The following GLRA1 variants were observed in gnomAD, a reference collection of about 807,000 sequenced individuals.
GLRA1 encodes the protein glycine receptor subunit alpha-1.
Under a neutral mutation model 48.3 loss-of-function variants are expected in GLRA1, and 37 were observed. The ratio of observed to expected loss-of-function variants is 0.77; its 90% confidence interval spans 0.59 to 1.01. The LOEUF (loss-of-function observed/expected upper bound fraction) is 1.01. Ranked by LOEUF, GLRA1 falls within the 50% of genes least tolerant of loss-of-function variation. The pLI, the probability that GLRA1 is intolerant of heterozygous loss-of-function variation, is 0.00. For synonymous variants in GLRA1, 196 were observed against 210.7 expected, an observed-to-expected ratio of 0.93 and a Z score of 0.60; for missense variants, 427 against 571.0, an observed-to-expected ratio of 0.75 and a Z score of 2.57.
At chr5:151,884,266 C>A (rs936848037) in intron 3 of GLRA1, among the ~76,000 whole-genome samples, 13 of 151,808 alleles carry the variant, frequency 8.6e-5, no homozygotes, top group Non-Finnish European at 1.6e-4. Context: ...CCATCTCTAT[C>A]AAAAATACAA....
intron 2 of GLRA1, 107 bp downstream of exon 2, chr5:151,892,204 A>G (rs185049371): frequency 9.7e-7 from 1 of 1,033,538 alleles, no homozygotes; most frequent in East Asian, 2.4e-5. Context: ...GGAAAGAGTC[A>G]TGGGATTCAC....
At chr5:151,826,568 GTC>G (rs1763276363) in intron 8 of GLRA1, among the ~76,000 whole-genome samples, 1 of 152,132 alleles carries the variant, frequency 6.6e-6, no homozygotes, top group South Asian at 2.1e-4. Context: ...GCTATTGTGG[GTC>G]TCTCTCATCA....
intron 1 of GLRA1, among the ~76,000 whole-genome samples, chr5:151,894,953 A>G (rs1464258659): frequency 6.6e-6 from 1 of 152,200 alleles, no homozygotes; most frequent in Non-Finnish European, 1.5e-5. Flanking sequence ...ATCCTGGGGA[A>G]CTAATTTTGA....
At chr5:151,908,635 C>T (rs1754533559) in intron 1 of GLRA1, among the ~76,000 whole-genome samples, 1 of 152,120 alleles carries the variant, frequency 6.6e-6, no homozygotes, top group African/African-American at 2.4e-5. Flanking sequence ...TGCTTATCTC[C>T]ACATTTCTCT....
At chr5:151,901,143 G>A (rs745403683) in intron 1 of GLRA1, among the ~76,000 whole-genome samples, 2 of 152,312 alleles carry the variant, frequency 1.3e-5, no homozygotes, top group Non-Finnish European at 2.9e-5. Flanking sequence ...GTATTCACAC[G>A]AAATGTCTTG....
intron 1 of GLRA1, among the ~76,000 whole-genome samples, chr5:151,913,776 C>T (rs1754674346): frequency 1.3e-5 from 2 of 152,004 alleles, no homozygotes; most frequent in Non-Finnish European, 2.9e-5. Context: ...CTGGGTGATC[C>T]TAGGAAAATG....
At chr5:151,858,551 C>A (rs950505243) in intron 4 of GLRA1, among the ~76,000 whole-genome samples, 1 of 152,196 alleles carries the variant, frequency 6.6e-6, no homozygotes, top group African/African-American at 2.4e-5. Flanking sequence ...TGTCACTCTT[C>A]CAGTCTGGAT....
At chr5:151,921,855 T>A (rs1464474265) in intron 1 of GLRA1, among the ~76,000 whole-genome samples, 1 of 152,208 alleles carries the variant, frequency 6.6e-6, no homozygotes, top group Non-Finnish European at 1.5e-5. Context: ...TCAGGAACTT[T>A]AGCCAAATCA....
chr5:151,912,772 G>A (rs1314732618), intron 1 of GLRA1, among the ~76,000 whole-genome samples: 2 of 152,224 alleles, frequency 1.3e-5, no homozygotes, highest in Non-Finnish European at 2.9e-5. Flanking sequence ...CATTATCTAT[G>A]AGGGGGTAGT....
At chr5:151,886,588 G>T in intron 3 of GLRA1, 133 bp downstream of exon 3, 1 of 727,510 alleles carries the variant, frequency 1.4e-6, no homozygotes, top group East Asian at 2.6e-5. Context: ...CGAGCCTCAT[G>T]GTATACCACT....
chr5:151,867,218 AG>A (rs1418082613), intron 3 of GLRA1, among the ~76,000 whole-genome samples: 1 of 152,218 alleles, frequency 6.6e-6, no homozygotes, highest in African/African-American at 2.4e-5. Flanking sequence ...TTTCAGGAGA[AG>A]GTAGCATTTG....
At position 151,867,886 on chromosome 5, in the gene GLRA1, T is replaced by C. The variant is rs551464150; in HGVS notation, c.253-7878A>G. ...TTATTTGCTAGCCAATTTAGCACCA[T>C]TGAAGACTTAAGCAGTGGGGTAATG... On this transcript the variant is annotated intron_variant, in intron 3 of 8. Coordinates refer to ENST00000274576, the MANE Select transcript of GLRA1 (RefSeq NM_000171.4). 5.9e-5 allele frequency among the ~76,000 whole-genome samples: 9 copies of C among 152,332 alleles called. No homozygotes were observed. The South Asian group carries it at 1.2e-3, about 21-fold the overall frequency.
At chr5:151,823,113 G>C in intron 8 of GLRA1, 150 bp from the exon 9 acceptor site, 1 of 695,860 alleles carries the variant, frequency 1.4e-6, no homozygotes, top group Non-Finnish European at 2.3e-6. Context: ...AGGCTTTTTG[G>C]CTGGCTGGGG....
At chr5:151,862,183 G>C (rs1199020565) in intron 3 of GLRA1, among the ~76,000 whole-genome samples, 2 of 152,244 alleles carry the variant, frequency 1.3e-5, no homozygotes, top group African/African-American at 4.8e-5. Flanking sequence ...AATGGGGAAA[G>C]GATTCCCTAT....
At chr5:151,923,086 A>G (rs955768245) in intron 1 of GLRA1, among the ~76,000 whole-genome samples, 1 of 152,116 alleles carries the variant, frequency 6.6e-6, no homozygotes, top group East Asian at 1.9e-4. Flanking sequence ...TTTTCATTCT[A>G]TCTGACTCTC....
chr5:151,898,864 A>C (rs1052535600), intron 1 of GLRA1, among the ~76,000 whole-genome samples: 4 of 152,222 alleles, frequency 2.6e-5, no homozygotes, highest in African/African-American at 9.6e-5. Context: ...AGAAGTCTCC[A>C]AGAGGCTTTG....
intron 1 of GLRA1, among the ~76,000 whole-genome samples, chr5:151,906,949 A>C (rs1256905443): frequency 6.6e-6 from 1 of 152,230 alleles, no homozygotes; most frequent in Non-Finnish European, 1.5e-5. Context: ...TATTTAGACC[A>C]TTAGAGCCAT....
At chr5:151,850,759 GA>G in intron 7 of GLRA1, 1 of 1,025,858 alleles carries the variant, frequency 9.7e-7, no homozygotes, top group Non-Finnish European at 1.5e-6. Flanking sequence ...TCTTCTCAAT[GA>G]AACCGGCAAT....
chr5:151,851,066 T>C (rs1373284534), intron 7 of GLRA1, among the ~76,000 whole-genome samples: 1 of 152,170 alleles, frequency 6.6e-6, no homozygotes, highest in East Asian at 1.9e-4. Flanking sequence ...AGCAGAATAT[T>C]GTACTTAGCC....
Sources: allele counts gnomAD v4.1 joint callset (sites outside exome capture counted in the v4.1 genomes callset), GRCh38; gene constraint gnomAD v4.1.1; transcripts MANE v1.5; gene names NCBI Gene and HGNC (gene_info 2026-07-23, HGNC 2026-07-21).